Variants in DHTKD1 observed in about 807,000 individuals in gnomAD.
DHTKD1 encodes dehydrogenase E1 and transketolase domain containing 1.
A neutral mutation model predicts 101.8 loss-of-function variants in DHTKD1; 78 were observed. That is an observed-to-expected ratio of 0.77 (90% CI 0.64 to 0.93). The LOEUF (loss-of-function observed/expected upper bound fraction) is 0.93, where lower values mean the gene tolerates loss of function less well. DHTKD1 is among the 40% of genes least tolerant of loss of function. The probability of loss-of-function intolerance (pLI) is 0.00; values close to 1 mark genes in which losing one functional copy is unlikely to be tolerated. For missense variants in DHTKD1, 1,223 were observed against 1,161.7 expected (o/e 1.05, Z -0.77); for synonymous variants, 462 against 450.3 (o/e 1.03, Z -0.33).
intron 14 of DHTKD1, among the ~76,000 whole-genome samples, chr10:12,118,090 A>G (rs1447626323): frequency 2.0e-5 from 3 of 151,658 alleles, no homozygotes; most frequent in Non-Finnish European, 2.9e-5. Context: ...GGGTTTCACC[A>G]TGTTGGCCAG....
Position 12,069,251 on chromosome 10 carries a change from T to A in DHTKD1, c.154+64T>A, listed in dbSNP as rs1234026260. ...GACGCAGAAGCCTCCCCTGGCCGAT[T>A]TGCGGTGGGGTGTCGGGGTCGGGGA... On this transcript the variant is annotated intron_variant, in intron 1 of 16. Coordinates refer to ENST00000263035, the MANE Select transcript of DHTKD1 (RefSeq NM_018706.7). 21 of 1,407,658 alleles carry A rather than the reference T, an allele frequency of 1.5e-5. No homozygotes were observed. The East Asian group carries it at 5.5e-4, about 37-fold the overall frequency. 87.2% of individuals were successfully genotyped at this position (1,407,658 alleles called of 1,614,324 possible). A position where few individuals can be genotyped will look rare whatever the true frequency, so the allele number is the denominator to read the frequency against.
In DHTKD1 at chr10:12,069,072, C is replaced by G. The variant is rs779505133; in HGVS notation, c.39C>G (p.Leu13=). 2.5e-6 allele frequency: 4 copies of G among 1,613,002 alleles called. No individual in the cohort carries two copies. Among genetic ancestry groups the G allele is most frequent in the Non-Finnish European group, 3.4e-6 (4 of 1,179,634 alleles). ...CTGCGGCAGCAGCACGACGGGGCCT[C>G]GGCCGGGCTCTCCCTCTCTTCTGGC... is the stretch of plus-strand genomic sequence containing the variant. The part of the protein sequence containing the change: ...SATAAAARRG[L]GRALPLFWRG... The change falls in exon 1 of 17, where the codon CTC becomes CTG. Residue 13 remains leucine (L), a synonymous_variant. Coordinates refer to ENST00000263035, the MANE Select transcript of DHTKD1 (RefSeq NM_018706.7).
chr10:12,116,936 A>G (rs1295031649), intron 13 of DHTKD1, among the ~76,000 whole-genome samples: 1 of 151,064 alleles, frequency 6.6e-6, no homozygotes, highest in Non-Finnish European at 1.5e-5. Context: ...TGTGAGTTCA[A>G]GCAATCCACC....
In DHTKD1 at chr10:12,113,018, G is replaced by A. The variant is rs768753297; in HGVS notation, c.2273G>A (p.Arg758Lys). ...LLRRQMVRNF[R>K]KPLIVASPKM... Reference sequence around the variant, plus strand: ...AGGAGACAGATGGTCCGGAACTTCAGAAAACCACTCATTGTTGCTTCCCCT... The same window carrying A: ...AGGAGACAGATGGTCCGGAACTTCAAAAAACCACTCATTGTTGCTTCCCCT... The change falls in exon 13 of 17, where the codon AGA (arginine) becomes AAA (lysine). Residue 758 changes from arginine to lysine, a missense_variant. By Grantham distance (26) the Arg-to-Lys change is conservative (BLOSUM62 2). Transcript: ENST00000263035. 1 of 1,613,588 alleles carries A rather than the reference G, an allele frequency of 6.2e-7. No homozygotes were observed. The highest frequency in any genetic ancestry group is 8.5e-7 in the Non-Finnish European group (1 of 1,179,802).
chr10:12,094,008 C>T lies in DHTKD1; in HGVS notation c.1160-65C>T, dbSNP rs542484980. 16 of 1,376,050 alleles carry T rather than the reference C, an allele frequency of 1.2e-5. No homozygotes were observed. The South Asian group carries it at 1.8e-4, about 16-fold the overall frequency. The allele number at this position is 1,376,050 out of a possible 1,614,324, so 85.2% of individuals were successfully genotyped here. On this transcript the variant is annotated intron_variant, in intron 6 of 16. Coordinates refer to ENST00000263035, the MANE Select transcript of DHTKD1 (RefSeq NM_018706.7). ...CTGTCTTTTGATGCAGGAAGTAGGGCTTAGAGAGGGCCAGTGTCATTCTGG... is the reference window on the plus strand; with the variant it reads ...CTGTCTTTTGATGCAGGAAGTAGGGTTTAGAGAGGGCCAGTGTCATTCTGG...
chr10:12,090,388 T>C lies in DHTKD1; in HGVS notation c.988-1125T>C, dbSNP rs199896465. ...CCCTCCCTTCCTTCCTTCCTTCCTT[T>C]TTTCCTTCCTTCCTTCCTTTTTTCC... On this transcript the variant is annotated intron_variant, in intron 5 of 16. Transcript: ENST00000263035. Among the ~76,000 whole-genome samples the C allele has an allele frequency of 2.5e-4, 7 of 28,516 alleles. No homozygotes were observed. The South Asian group carries it at 0.015, about 62-fold the overall frequency. 18.7% of individuals were successfully genotyped at this position (28,516 alleles called of 152,430 possible). A position where few individuals can be genotyped will look rare whatever the true frequency, so the allele number is the denominator to read the frequency against.
chr10:12,073,068 C>T (rs1832675291), intron 1 of DHTKD1, among the ~76,000 whole-genome samples: 1 of 148,886 alleles, frequency 6.7e-6, no homozygotes, highest in Non-Finnish European at 1.5e-5. Context: ...ACAGTCACTC[C>T]GTGGCCCAGG....
At position 12,110,278 on chromosome 10, in the gene DHTKD1, C is replaced by T. The variant is rs929968351; in HGVS notation, c.2154+2263C>T. ...GCGCCATGCACTCCAGCCTGGGTGA[C>T]AGAGCGAGACTCTGTCTCCAGAAAA... On this transcript the variant is annotated intron_variant, in intron 12 of 16. Coordinates refer to ENST00000263035, the MANE Select transcript of DHTKD1 (RefSeq NM_018706.7). The surrounding 1 kb of genome is among the most constrained non-coding windows in gnomAD (Gnocchi z 4.9). Among the ~76,000 whole-genome samples the T allele has an allele frequency of 6.6e-6, 1 of 152,058 alleles. No individual in the cohort carries two copies. Among genetic ancestry groups the T allele is most frequent in the Non-Finnish European group, 1.5e-5 (1 of 68,016 alleles).
intron 10 of DHTKD1, 149 bp downstream of exon 10, chr10:12,101,330 G>A: frequency 3.7e-6 from 3 of 811,788 alleles, no homozygotes; most frequent in Non-Finnish European, 5.6e-6. Flanking sequence ...AGGTGGGTCT[G>A]TCAATTTGGA....
At chr10:12,099,608 A>T (rs1055189964) in intron 8 of DHTKD1, among the ~76,000 whole-genome samples, 1 of 151,980 alleles carries the variant, frequency 6.6e-6, no homozygotes, top group Admixed American at 6.6e-5. Flanking sequence ...GAATCACTTG[A>T]ACCAGGGAGG....
Position 12,100,274 on chromosome 10 carries a change from C to CTTTTTTTTTTTT in DHTKD1, c.1756+22_1756+23insTTTTTTTTTTTT. 1 of 351,662 alleles carries CTTTTTTTTTTTT rather than the reference C, an allele frequency of 2.8e-6. No homozygotes were observed. Among genetic ancestry groups the CTTTTTTTTTTTT allele is most frequent in the Non-Finnish European group, 4.3e-6 (1 of 232,892 alleles). 21.8% of individuals were successfully genotyped at this position (351,662 alleles called of 1,614,324 possible). On this transcript the variant is annotated intron_variant, in intron 9 of 16. Coordinates refer to ENST00000263035, the MANE Select transcript of DHTKD1 (RefSeq NM_018706.7). Reference sequence around the variant, plus strand: ...TTTACTTGCTCAAGGTAAGAATTTTCTTTTTTTTTTCTGTTTTTTTTTTTT... The same window carrying CTTTTTTTTTTTT: ...TTTACTTGCTCAAGGTAAGAATTTTCTTTTTTTTTTTTTTTTTTTTTTCTGTTTTTTTTTTTT...
At chr10:12,117,302 A>AC (rs1242000642) in intron 13 of DHTKD1, among the ~76,000 whole-genome samples, 1 of 100,538 alleles carries the variant, frequency 9.9e-6, no homozygotes, top group African/African-American at 3.7e-5. Context: ...GAGCCACGGC[A>AC]CCTTTTTTTT....
chr10:12,097,241 C>A (rs1833084227), intron 7 of DHTKD1, among the ~76,000 whole-genome samples: 1 of 151,782 alleles, frequency 6.6e-6, no homozygotes, highest in Admixed American at 6.6e-5. Context: ...TTCCTGAATG[C>A]CTTTTTATTT....
chr10:12,093,689 T>C (rs1833025479), intron 6 of DHTKD1, among the ~76,000 whole-genome samples: 1 of 152,240 alleles, frequency 6.6e-6, no homozygotes, highest in African/African-American at 2.4e-5. Context: ...AGGTACATCC[T>C]TTAATGACCC....
intron 15 of DHTKD1, among the ~76,000 whole-genome samples, chr10:12,119,443 G>A (rs533658973): frequency 5.3e-5 from 8 of 150,024 alleles, no homozygotes; most frequent in African/African-American, 1.2e-4. Context: ...GTGAAACCCC[G>A]TCTCTACTGA....
chr10:12,101,459 A>G (rs967466872), intron 10 of DHTKD1, among the ~76,000 whole-genome samples: 3 of 152,224 alleles, frequency 2.0e-5, no homozygotes, highest in African/African-American at 7.2e-5. Context: ...TATCATCTGC[A>G]TATTGCTGTA....
intron 16 of DHTKD1, 134 bp downstream of exon 16, chr10:12,120,401 T>G: frequency 1.4e-6 from 1 of 716,360 alleles, no homozygotes. Context: ...TGGCGCAATC[T>G]CAGCTCACTG....
At chr10:12,114,131 G>A (rs946408221) in intron 13 of DHTKD1, among the ~76,000 whole-genome samples, 3 of 151,058 alleles carry the variant, frequency 2.0e-5, no homozygotes, top group Non-Finnish European at 4.4e-5. Context: ...TAACACATAC[G>A]TAGGTTTACC....
At position 12,068,990 on chromosome 10, in the gene DHTKD1, C is replaced by T. The variant is rs569978192; in HGVS notation, c.-44C>T. 142 of 1,608,118 alleles carry T rather than the reference C, an allele frequency of 8.8e-5. 2 individuals are homozygous for T. Among genetic ancestry groups the T allele is most frequent in the South Asian group, 8.1e-4 (73 of 90,444 alleles). ...GATTTACCAGGGCCGGTGGGATCCC[C>T]TCGGGCTCCCGCCTTAGCATGCTGG... On this transcript the variant is annotated 5_prime_UTR_variant, in exon 1 of 17. Coordinates refer to ENST00000263035, the MANE Select transcript of DHTKD1 (RefSeq NM_018706.7).
Sources: gnomAD v4.1 joint callset for allele counts (sites outside exome capture counted in the v4.1 genomes callset) on GRCh38, gnomAD v4.1.1 for gene constraint, Gnocchi (gnomAD v3.1) non-coding constraint, MANE v1.5 for transcripts, NCBI Gene and HGNC (gene_info 2026-07-23, HGNC 2026-07-21) for gene names.